SGPP2: variants seen among roughly 807,000 people sequenced by gnomAD.
SGPP2 encodes sphingosine 1-phosphate phosphohydrolase 2.
Under a neutral mutation model 33.9 loss-of-function variants are expected in SGPP2, and 30 were observed. That is an observed-to-expected ratio of 0.89 (90% CI 0.66 to 1.20). The LOEUF is 1.20. Ranked by LOEUF, SGPP2 falls within the 50% of genes most tolerant of loss-of-function variation. The pLI is 0.00. For missense variants in SGPP2, 458 were observed against 532.1 expected, an observed-to-expected ratio of 0.86 and a Z score of 1.37; for synonymous variants, 233 against 225.0, an observed-to-expected ratio of 1.04 and a Z score of -0.32.
At chr2:222,424,876 G>T in intron 1 of SGPP2, 55 bp downstream of exon 1, 1 of 1,245,798 alleles carries the variant, frequency 8.0e-7, no homozygotes, top group Non-Finnish European at 1.0e-6. Flanking sequence ...GCGGACGTGC[G>T]GGTCCCTGCG....
At chr2:222,490,896 T>G (rs1034025460) in intron 2 of SGPP2, among the ~76,000 whole-genome samples, 11 of 152,288 alleles carry the variant, frequency 7.2e-5, no homozygotes, top group African/African-American at 2.6e-4. Flanking sequence ...GTTTTTTGGT[T>G]CGTCTTGTAA....
chr2:222,495,107 A>C (rs1356782715), intron 2 of SGPP2, among the ~76,000 whole-genome samples: 32 of 152,164 alleles, frequency 2.1e-4, no homozygotes, highest in Admixed American at 2.1e-3. Context: ...CTAATGTCAG[A>C]GCTTACTTTA....
At position 222,476,816 on chromosome 2, in the gene SGPP2, A is replaced by G. The variant is rs974407329; in HGVS notation, c.378+2090A>G. ...GGTGTGTGTATATCCGTGCGTGTAT[A>G]TAGGTGTGTGTATATGTGTATGTGT... On this transcript the variant is annotated intron_variant, in intron 2 of 4. Transcript: ENST00000321276. This position sits in a 1 kb window ranked among gnomAD's most constrained non-coding sequence, Gnocchi z 4.3. Among the ~76,000 whole-genome samples, 1 of 151,690 alleles carries G rather than the reference A, an allele frequency of 6.6e-6. No individual in the cohort carries two copies. The highest frequency in any genetic ancestry group is 1.5e-5 in the Non-Finnish European group (1 of 67,854).
At chr2:222,515,266 G>C (rs144415244) in intron 2 of SGPP2, among the ~76,000 whole-genome samples, 150 of 152,138 alleles carry the variant, frequency 9.9e-4, no homozygotes, top group African/African-American at 3.6e-3. Flanking sequence ...CTACAACATG[G>C]TGCCTCATCA....
intron 1 of SGPP2, among the ~76,000 whole-genome samples, chr2:222,440,395 G>A (rs947299411): frequency 6.6e-6 from 1 of 151,692 alleles, no homozygotes; most frequent in African/African-American, 2.4e-5. Flanking sequence ...CCAGGCTGGA[G>A]TGCAGGGTGC....
chr2:222,484,792 A>T (rs989184211), intron 2 of SGPP2, among the ~76,000 whole-genome samples: 2 of 152,160 alleles, frequency 1.3e-5, no homozygotes, highest in African/African-American at 4.8e-5. Context: ...TCCAGACTAG[A>T]TTTTGTTCCA....
At chr2:222,479,135 G>A (rs1697991639) in intron 2 of SGPP2, among the ~76,000 whole-genome samples, 1 of 152,168 alleles carries the variant, frequency 6.6e-6, no homozygotes, top group Admixed American at 6.5e-5. Context: ...AGATCACACT[G>A]GATTAAATGG....
intron 1 of SGPP2, among the ~76,000 whole-genome samples, chr2:222,471,582 A>G (rs1216662558): frequency 2.0e-5 from 3 of 152,160 alleles, no homozygotes; most frequent in Non-Finnish European, 2.9e-5. Context: ...AAGTATGCTT[A>G]GCACTTAGCA....
intron 2 of SGPP2, among the ~76,000 whole-genome samples, chr2:222,497,315 C>A (rs1453190300): frequency 7.0e-6 from 1 of 141,912 alleles, no homozygotes; most frequent in Non-Finnish European, 1.5e-5. Flanking sequence ...TGCAATGGTG[C>A]AATCTCGGCT....
intron 1 of SGPP2, among the ~76,000 whole-genome samples, chr2:222,464,721 G>A (rs564128550): frequency 5.3e-5 from 8 of 152,214 alleles, no homozygotes; most frequent in East Asian, 1.9e-4. Flanking sequence ...GGCCTCAAGC[G>A]ATCCTCCTAC....
intron 1 of SGPP2, among the ~76,000 whole-genome samples, chr2:222,455,536 C>A (rs753770160): frequency 6.6e-6 from 1 of 152,190 alleles, no homozygotes; most frequent in South Asian, 2.1e-4. Flanking sequence ...AGTCCTTGAC[C>A]ATGGCTGTGC....
chr2:222,546,806 T>G (rs1473195108), intron 4 of SGPP2, among the ~76,000 whole-genome samples: 1 of 148,360 alleles, frequency 6.7e-6, no homozygotes, highest in African/African-American at 2.5e-5. Context: ...CAGACGTTTT[T>G]ATTCTTTTAC....
chr2:222,472,557 C>A (rs1214866486), intron 1 of SGPP2, among the ~76,000 whole-genome samples: 1 of 152,162 alleles, frequency 6.6e-6, no homozygotes, highest in African/African-American at 2.4e-5. Context: ...GAGGAAGTCA[C>A]ACGCCTGGTC....
chr2:222,559,095 G>A lies in SGPP2; in HGVS notation c.*197G>A. ...TAGCGGTCATTGGTCGTCCGTGGTG[G>A]TTGGTTGTGCTACAGTTGAACCCAG... On this transcript the variant is annotated 3_prime_UTR_variant, in exon 5 of 5. Transcript: ENST00000321276. 1.8e-6 allele frequency: 1 copy of A among 540,886 alleles called. No individual in the cohort carries two copies. Among genetic ancestry groups the A allele is most frequent in the Non-Finnish European group, 3.2e-6 (1 of 310,486 alleles). 33.5% of individuals were successfully genotyped at this position (540,886 alleles called of 1,614,324 possible). A position where few individuals can be genotyped will look rare whatever the true frequency, so the allele number is the denominator to read the frequency against.
chr2:222,535,337 C>G (rs894658515), intron 4 of SGPP2, among the ~76,000 whole-genome samples: 6 of 132,630 alleles, frequency 4.5e-5, no homozygotes, highest in African/African-American at 1.7e-4. Flanking sequence ...AAGATCATGC[C>G]ATTGTACTCC....
At chr2:222,474,867 T>C (rs894091484) in intron 2 of SGPP2, 141 bp downstream of exon 2, 2 of 739,670 alleles carry the variant, frequency 2.7e-6, no homozygotes, top group African/African-American at 1.8e-5. Context: ...TAATTTCCTT[T>C]GGAAAAATTA....
chr2:222,495,460 T>C (rs189181299), intron 2 of SGPP2, among the ~76,000 whole-genome samples: 3 of 152,324 alleles, frequency 2.0e-5, no homozygotes, highest in African/African-American at 7.2e-5. Flanking sequence ...GAAGTCCTTT[T>C]ATATTCAAAT....
chr2:222,438,422 G>T (rs544476294), intron 1 of SGPP2, among the ~76,000 whole-genome samples: 1 of 152,328 alleles, frequency 6.6e-6, no homozygotes, highest in South Asian at 2.1e-4. Flanking sequence ...AGCGATCAAG[G>T]TCTCTCCAAA....
At chr2:222,539,752 G>A (rs1698964203) in intron 4 of SGPP2, among the ~76,000 whole-genome samples, 1 of 152,222 alleles carries the variant, frequency 6.6e-6, no homozygotes, top group Non-Finnish European at 1.5e-5. Flanking sequence ...CAAACTGGTA[G>A]AACCTAATTT....
Sources: gnomAD v4.1 joint callset for allele counts (sites outside exome capture counted in the v4.1 genomes callset) on GRCh38, gnomAD v4.1.1 for gene constraint, Gnocchi (gnomAD v3.1) non-coding constraint, MANE v1.5 for transcripts, NCBI Gene and HGNC (gene_info 2026-07-23, HGNC 2026-07-21) for gene names.